The following MAGI2 variants were observed in gnomAD, a reference collection of about 807,000 sequenced individuals.
The protein encoded by MAGI2 is membrane associated guanylate kinase, WW and PDZ domain containing 2.
MAGI2 carries 35 observed loss-of-function variants against 133.3 expected under a neutral mutation model. The ratio of observed to expected loss-of-function variants is 0.26; its 90% CI spans 0.20 to 0.35. MAGI2 has a LOEUF of 0.35. Ranked by LOEUF, MAGI2 falls within the 10% of genes least tolerant of loss-of-function variation. The pLI is 1.00. For synonymous variants in MAGI2, 729 were observed against 710.6 expected, an observed-to-expected ratio of 1.03 and a Z score of -0.41; for missense variants, 1,636 against 1,863.4, an observed-to-expected ratio of 0.88 and a Z score of 2.25.
intron 10 of MAGI2, among the ~76,000 whole-genome samples, chr7:78,219,829 T>C (rs1037473711): frequency 1.2e-4 from 18 of 152,310 alleles, no homozygotes; most frequent in African/African-American, 3.9e-4. Flanking sequence ...CTTCCTACTA[T>C]TTGATTCAGA....
At chr7:78,609,858 C>T (rs1402624004) in intron 3 of MAGI2, among the ~76,000 whole-genome samples, 1 of 152,156 alleles carries the variant, frequency 6.6e-6, no homozygotes, top group Non-Finnish European at 1.5e-5. Flanking sequence ...CCCCAGCCAA[C>T]ACTGTAACTC....
In MAGI2 at chr7:79,182,199, G is replaced by A. The variant is rs191064357; in HGVS notation, c.302-174993C>T. Reference sequence around the variant, plus strand: ...CTACTGTTACCAATTTACCATATTAGTCCATTGTCATGCTGCTGATAAAGA... The same window carrying A: ...CTACTGTTACCAATTTACCATATTAATCCATTGTCATGCTGCTGATAAAGA... On this transcript the variant is annotated intron_variant, in intron 1 of 21. Transcript: ENST00000354212. Among the ~76,000 whole-genome samples the A allele has an allele frequency of 4.1e-4, 62 of 151,918 alleles. 1 individual carries two copies. The East Asian group carries it at 0.011, about 28-fold the overall frequency.
rs368491725 is a variant in MAGI2 at position 79,320,108 on chromosome 7, CA to C, written c.301+132911del. ...ACTGTTACATATTCTAAATGATTAT[CA>C]GATCACAATCCCAGTAATTATTTAA... On this transcript the variant is annotated intron_variant, in intron 1 of 21. Transcript: ENST00000354212. Among the ~76,000 whole-genome samples the C allele has an allele frequency of 1.6e-3, 243 of 152,118 alleles. 1 individual carries two copies. The highest frequency in any genetic ancestry group is 5.3e-3 in the African/African-American group (222 of 41,504).
At chr7:79,112,143 T>G (rs1263705352) in intron 1 of MAGI2, among the ~76,000 whole-genome samples, 1 of 152,086 alleles carries the variant, frequency 6.6e-6, no homozygotes. Flanking sequence ...TTATACATTT[T>G]TTTTTAGTTG....
chr7:78,544,389 C>CT (rs1798647613), intron 3 of MAGI2, among the ~76,000 whole-genome samples: 1 of 152,084 alleles, frequency 6.6e-6, no homozygotes, highest in Non-Finnish European at 1.5e-5. Context: ...TAAAATGGGT[C>CT]TTTTTAGATG....
At chr7:79,342,065 T>G (rs1167454685) in intron 1 of MAGI2, among the ~76,000 whole-genome samples, 1 of 152,166 alleles carries the variant, frequency 6.6e-6, no homozygotes, top group Non-Finnish European at 1.5e-5. Context: ...CGGAGGCTGA[T>G]TCTCAATGAG....
At chr7:78,778,902 GC>G (rs1370223078) in intron 2 of MAGI2, among the ~76,000 whole-genome samples, 1 of 141,012 alleles carries the variant, frequency 7.1e-6, no homozygotes, top group Admixed American at 7.2e-5. Flanking sequence ...TTCCTTTTCA[GC>G]CTTTTTTTTT....
intron 1 of MAGI2, among the ~76,000 whole-genome samples, chr7:79,099,643 G>C (rs981352424): frequency 1.3e-5 from 2 of 151,892 alleles, no homozygotes; most frequent in African/African-American, 4.8e-5. Context: ...TCACCCTTAA[G>C]TAGGTCCCAT....
At chr7:78,439,162 G>C (rs34153045) in intron 6 of MAGI2, among the ~76,000 whole-genome samples, 46,193 of 152,066 alleles carry the variant, frequency 0.3, 7,991 homozygotes, top group African/African-American at 0.44. Context: ...TTAAAGAACA[G>C]TGTTTGTGGA....
At chr7:78,544,884 C>T (rs2150681188) in intron 3 of MAGI2, among the ~76,000 whole-genome samples, 2 of 151,864 alleles carry the variant, frequency 1.3e-5, no homozygotes, top group Middle Eastern at 3.4e-3. Flanking sequence ...CAACAAAAAA[C>T]CTGACTTCAG....
chr7:79,019,332 A>T (rs1809055237), intron 1 of MAGI2, among the ~76,000 whole-genome samples: 1 of 152,116 alleles, frequency 6.6e-6, no homozygotes, highest in Non-Finnish European at 1.5e-5. Flanking sequence ...TTCTTGTGAT[A>T]CTGAGTGAAC....
intron 6 of MAGI2, among the ~76,000 whole-genome samples, chr7:78,466,255 C>G (rs1423281052): frequency 6.6e-6 from 1 of 152,206 alleles, no homozygotes; most frequent in Non-Finnish European, 1.5e-5. Context: ...CCTTTCCACT[C>G]AGCCTAACAC....
chr7:78,484,936 CAATTT>C (rs1792825415), intron 6 of MAGI2: 1 of 103,754 alleles, frequency 9.6e-6, no homozygotes, highest in South Asian at 3.6e-4. Context: ...AAATCTTAAA[CAATTT>C]CTATTTCTTC....
chr7:79,020,203 G>C (rs1038786244), intron 1 of MAGI2, among the ~76,000 whole-genome samples: 1 of 152,180 alleles, frequency 6.6e-6, no homozygotes, highest in Non-Finnish European at 1.5e-5. Flanking sequence ...TCCTACCTTA[G>C]AGACGTGTGG....
intron 1 of MAGI2, among the ~76,000 whole-genome samples, chr7:79,047,609 G>T (rs1812299934): frequency 6.6e-6 from 1 of 151,990 alleles, no homozygotes; most frequent in African/African-American, 2.4e-5. Context: ...CCTCTATTGA[G>T]TTGATAAGCC....
At chr7:79,428,914 A>G (rs577000212) in intron 1 of MAGI2, among the ~76,000 whole-genome samples, 2 of 152,250 alleles carry the variant, frequency 1.3e-5, no homozygotes, top group East Asian at 3.9e-4. Flanking sequence ...TAATTTTTTT[A>G]GATAGCACTT....
intron 1 of MAGI2, among the ~76,000 whole-genome samples, chr7:79,366,692 G>A (rs986183661): frequency 6.6e-6 from 1 of 152,022 alleles, no homozygotes; most frequent in Admixed American, 6.6e-5. Context: ...AGGGGTCTCT[G>A]TATTATTTCT....
chr7:78,179,707 A>G (rs1205396502), intron 13 of MAGI2, among the ~76,000 whole-genome samples: 2 of 152,156 alleles, frequency 1.3e-5, no homozygotes, highest in African/African-American at 2.4e-5. Context: ...AACCAGTTAG[A>G]CCTCCACATC....
At chr7:78,355,577 C>T (rs757683561) in intron 7 of MAGI2, among the ~76,000 whole-genome samples, 11 of 152,212 alleles carry the variant, frequency 7.2e-5, no homozygotes, top group Non-Finnish European at 1.6e-4. Context: ...GCAGATCTTA[C>T]ATTAAGCGGC....
Sources: allele counts gnomAD v4.1 joint callset (sites outside exome capture counted in the v4.1 genomes callset), GRCh38; gene constraint gnomAD v4.1.1; transcripts MANE v1.5; gene names NCBI Gene and HGNC (gene_info 2026-07-23, HGNC 2026-07-21).